Variants in PKHD1 observed in about 807,000 individuals in gnomAD.
PKHD1 encodes PKHD1 ciliary IPT domain containing fibrocystin/polyductin.
A neutral mutation model predicts 412.0 loss-of-function variants in PKHD1; 291 were observed. That is an observed-to-expected ratio of 0.71 (90% CI 0.64 to 0.78). The LOEUF (loss-of-function observed/expected upper bound fraction) is 0.78, where lower values mean the gene tolerates loss of function less well. Among genes scored for constraint, PKHD1 ranks in the 30% least tolerant of loss-of-function variants. The pLI, the probability that PKHD1 is intolerant of heterozygous loss-of-function variation, is 0.00. For missense variants in PKHD1, 4,825 were observed against 4,950.7 expected (o/e 0.97, Z 0.76); for synonymous variants, 1,777 against 1,821.5 (o/e 0.98, Z 0.62).
chr6:51,791,038 G>A (rs963627808), intron 53 of PKHD1, among the ~76,000 whole-genome samples, 198 bp downstream of exon 53: 3 of 152,126 alleles, frequency 2.0e-5, no homozygotes, highest in African/African-American at 4.8e-5. Flanking sequence ...ACACGGGCAT[G>A]AAAGAATGAC....
Position 52,083,196 on chromosome 6 carries a change from T to G in PKHD1, c.112A>C (p.Ile38Leu). 1 of 1,609,422 alleles carries G rather than the reference T, an allele frequency of 6.2e-7. No individual in the cohort carries two copies. Among genetic ancestry groups the G allele is most frequent in the Non-Finnish European group, 8.5e-7 (1 of 1,175,710 alleles). Residue 38 changes from isoleucine to leucine, a missense_variant, in exon 3 of 67, where the codon ATC becomes CTC. Physicochemically the swap from Ile to Leu is conservative, Grantham distance 5 (BLOSUM62 2). Transcript: ENST00000371117. Reference sequence around the variant, plus strand: ...AACCTACCATCAAAAATGACTGTGATCCACGTTCCCCCTGCAAGGCTACCT... The same window carrying G: ...AACCTACCATCAAAAATGACTGTGAGCCACGTTCCCCCTGCAAGGCTACCT... ...EEGSLAGGTW[I>L]TVIFDGLELG...
At chr6:51,624,660 G>A (rs572752836) in intron 66 of PKHD1, among the ~76,000 whole-genome samples, 2 of 152,332 alleles carry the variant, frequency 1.3e-5, no homozygotes, top group African/African-American at 2.4e-5. Flanking sequence ...ACCCTTGGAT[G>A]TGAACACATA....
Position 51,849,612 on chromosome 6 carries a change from T to C in PKHD1, c.7912-1642A>G, listed in dbSNP as rs118028052. 9.6e-3 allele frequency among the ~76,000 whole-genome samples: 1,462 copies of C among 152,324 alleles called. 23 individuals are homozygous for C. The highest frequency in any genetic ancestry group is 0.064 in the East Asian group (331 of 5,190). ...CTGACTGGCATGAGATGGTATCTCA[T>C]AGCGGTTTTGATGTGCATTTCTCTG... is the stretch of plus-strand genomic sequence containing the variant. On this transcript the variant is annotated intron_variant, in intron 49 of 66. Coordinates refer to ENST00000371117, the MANE Select transcript of PKHD1 (RefSeq NM_138694.4).
Position 51,912,062 on chromosome 6 carries a change from G to A in PKHD1, c.6333-106C>T, listed in dbSNP as rs183606697. On this transcript the variant is annotated intron_variant, in intron 38 of 66. Coordinates refer to ENST00000371117, the MANE Select transcript of PKHD1 (RefSeq NM_138694.4). ...ATTCTTCCTTTGGGGATCTATTCAT[G>A]TTTCTTTAGAAACTCAATACCAAAT... The A allele has an allele frequency of 3.3e-5, 31 of 938,952 alleles. No individual in the cohort carries two copies. The African/African-American group carries it at 3.6e-4, about 11-fold the overall frequency. The allele number at this position is 938,952 out of a possible 1,614,324, so 58.2% of individuals were successfully genotyped here.
intron 35 of PKHD1, among the ~76,000 whole-genome samples, chr6:51,988,461 T>C (rs1317557027): frequency 6.6e-6 from 1 of 152,218 alleles, no homozygotes; most frequent in Admixed American, 6.5e-5. Flanking sequence ...CATCTAGCCC[T>C]AATATTTCAT....
At chr6:51,630,983 G>T (rs368393108) in intron 65 of PKHD1, among the ~76,000 whole-genome samples, 1 of 152,132 alleles carries the variant, frequency 6.6e-6, no homozygotes, top group South Asian at 2.1e-4. Flanking sequence ...TGAAGTAATA[G>T]ATATATTTGT....
At chr6:51,721,854 C>T in intron 60 of PKHD1, 1 of 1,542,410 alleles carries the variant, frequency 6.5e-7, no homozygotes, top group Non-Finnish European at 8.7e-7. Flanking sequence ...CAATCAATTT[C>T]TTCTCAATTT....
chr6:51,776,257 T>C (rs974928412), intron 53 of PKHD1, among the ~76,000 whole-genome samples: 1 of 152,028 alleles, frequency 6.6e-6, no homozygotes, highest in African/African-American at 2.4e-5. Flanking sequence ...TTTCAGTTGA[T>C]GCTTTAAGGG....
At position 52,065,133 on chromosome 6, in the gene PKHD1, TTATATATATATA is replaced by T. The variant is rs369093047; in HGVS notation, c.881-95_881-84del. 1.1e-3 allele frequency: 148 copies of T among 132,272 alleles called. 3 individuals are homozygous for T. The highest frequency in any genetic ancestry group is 2.9e-3 in the Middle Eastern group (1 of 350). The allele number at this position is 132,272 out of a possible 1,614,324, so 8.2% of individuals were successfully genotyped here. A position where few individuals can be genotyped will look rare whatever the true frequency, so the allele number is the denominator to read the frequency against. ...TATATGTGTGTGGGTATATGTATAA[TTATATATATATA>T]TATATATATATATATATATATATAG... is the stretch of plus-strand genomic sequence containing the variant. On this transcript the variant is annotated intron_variant, in intron 12 of 66. Transcript: ENST00000371117.
At chr6:51,945,881 C>A (rs1348345905) in intron 36 of PKHD1, among the ~76,000 whole-genome samples, 1 of 152,188 alleles carries the variant, frequency 6.6e-6, no homozygotes, top group East Asian at 1.9e-4. Flanking sequence ...CACAAACCTT[C>A]CCCAGTAGCT....
At chr6:51,791,215 A>G (rs1275873948) in intron 53 of PKHD1, 21 bp downstream of exon 53, 14 of 1,611,752 alleles carry the variant, frequency 8.7e-6, no homozygotes, top group Non-Finnish European at 1.2e-5. Flanking sequence ...ACATGCTCGC[A>G]ATCCTTGTGC....
chr6:51,704,108 C>G (rs1040662972), intron 60 of PKHD1, among the ~76,000 whole-genome samples: 1 of 152,028 alleles, frequency 6.6e-6, no homozygotes, highest in Non-Finnish European at 1.5e-5. Context: ...TTTTAGTCAA[C>G]CAACACCTGT....
chr6:52,055,826 T>A lies in PKHD1; in HGVS notation c.1694-97A>T, dbSNP rs1807642902. ...GCATGAGGATTTTAGAGTATCTCAC[T>A]TAAGAAAACCCCCGTTCTAACCCAA... On this transcript the variant is annotated intron_variant, in intron 18 of 66. Transcript: ENST00000371117. 4 of 1,326,058 alleles carry A rather than the reference T, an allele frequency of 3.0e-6. No individual in the cohort carries two copies. In the African/African-American group the frequency reaches 5.8e-5, roughly 19 times the overall value. 82.1% of individuals were successfully genotyped at this position (1,326,058 alleles called of 1,614,324 possible).
intron 36 of PKHD1, among the ~76,000 whole-genome samples, chr6:51,947,371 C>T (rs973520584): frequency 2.6e-5 from 4 of 152,234 alleles, no homozygotes; most frequent in South Asian, 4.2e-4. Flanking sequence ...TGTATTGAAT[C>T]GCTAAAGAAA....
chr6:51,839,188 A>G (rs788508), intron 50 of PKHD1, among the ~76,000 whole-genome samples: 6,171 of 152,278 alleles, frequency 0.041, 412 homozygotes, highest in African/African-American at 0.14. Flanking sequence ...GAATAAATAC[A>G]AAGAGGGATG....
rs1554250772 is a variant in PKHD1 at position 51,801,515 on chromosome 6, A to AC, written c.8303-10143_8303-10142insG. Among the ~76,000 whole-genome samples the AC allele has an allele frequency of 1.5e-4, 23 of 151,400 alleles. No homozygotes were observed. The South Asian group carries it at 3.8e-3, about 25-fold the overall frequency. On this transcript the variant is annotated intron_variant, in intron 52 of 66. Transcript: ENST00000371117. Reference sequence around the variant, plus strand: ...GTTTCTTTATTCTACTCTGCCCATCATTTTTTTTCAAACTGGTCTTAAAAA... The same window carrying AC: ...GTTTCTTTATTCTACTCTGCCCATCACTTTTTTTTCAAACTGGTCTTAAAAA...
chr6:51,964,970 AT>A (rs5876248), intron 35 of PKHD1, among the ~76,000 whole-genome samples: 1 of 151,856 alleles, frequency 6.6e-6, no homozygotes, highest in East Asian at 1.9e-4. Context: ...ATTCCTTGCT[AT>A]TTTTCCCCCA....
At chr6:52,077,030 C>T (rs1811417949) in intron 5 of PKHD1, among the ~76,000 whole-genome samples, 1 of 152,162 alleles carries the variant, frequency 6.6e-6, no homozygotes, top group South Asian at 2.1e-4. Context: ...TCTTACAATG[C>T]CCCCTGTCCC....
chr6:51,821,688 G>A (rs1766451079), intron 52 of PKHD1, among the ~76,000 whole-genome samples: 3 of 152,070 alleles, frequency 2.0e-5, no homozygotes, highest in East Asian at 1.9e-4. Context: ...GAAATGACAG[G>A]GATTCAGTGA....
Sources: allele counts gnomAD v4.1 joint callset (sites outside exome capture counted in the v4.1 genomes callset), GRCh38; gene constraint gnomAD v4.1.1; transcripts MANE v1.5; gene names NCBI Gene and HGNC (gene_info 2026-07-23, HGNC 2026-07-21).